The following DYRK4 variants were observed in gnomAD, a reference collection of about 807,000 sequenced individuals.
DYRK4 encodes dual specificity tyrosine-phosphorylation-regulated kinase 4.
A neutral mutation model predicts 68.3 loss-of-function variants in DYRK4; 64 were observed. The ratio of observed to expected loss-of-function variants is 0.94; its 90% confidence interval spans 0.77 to 1.15. The LOEUF (loss-of-function observed/expected upper bound fraction) is 1.15, where lower values mean the gene tolerates loss of function less well. DYRK4 is among the 50% of genes most tolerant of loss of function. The pLI, the probability that DYRK4 is intolerant of heterozygous loss-of-function variation, is 0.00. For synonymous variants in DYRK4, 274 were observed against 289.9 expected (o/e 0.95, Z 0.56); for missense variants, 740 against 764.7 (o/e 0.97, Z 0.38).
At position 4,584,624 on chromosome 12, in the gene DYRK4, T is replaced by C. The variant is rs552008704; in HGVS notation, c.133-4313T>C. 3.4e-5 allele frequency among the ~76,000 whole-genome samples: 5 copies of C among 148,774 alleles called. 1 individual carries two copies. The South Asian group carries it at 6.4e-4, about 19-fold the overall frequency. On this transcript the variant is annotated intron_variant, in intron 2 of 14. Transcript: ENST00000543431. ...AGGCTGGAGTACACTGGTGCGATCT[T>C]GGCTCACTGCAAGCTCTGCCTCCTG...
In DYRK4 at chr12:4,593,070, C is replaced by T. The variant is rs1216690317; in HGVS notation, c.532C>T (p.Leu178=). Residue 178 remains leucine, a synonymous_variant, in exon 6 of 15, where the codon CTG becomes TTG. Coordinates refer to ENST00000543431, the MANE Select transcript of DYRK4 (RefSeq NM_001394779.1). ...AAGTGAAATCCTGGGCTACGCGGAGCTGTGGTTCCTGGGTCTTGAAGCCAA... is the reference window on the plus strand; with the variant it reads ...AAGTGAAATCCTGGGCTACGCGGAGTTGTGGTTCCTGGGTCTTGAAGCCAA... The part of the protein sequence containing the change: ...EQSEILGYAE[L]WFLGLEAKKL... 1 of 1,614,066 alleles carries T rather than the reference C, an allele frequency of 6.2e-7. No homozygotes were observed. Among genetic ancestry groups the T allele is most frequent in the East Asian group, 2.2e-5 (1 of 44,888 alleles).
chr12:4,562,571 G>A (rs1944638303), intron 1 of DYRK4, among the ~76,000 whole-genome samples: 1 of 152,214 alleles, frequency 6.6e-6, no homozygotes, highest in African/African-American at 2.4e-5. Context: ...GGAGCGAGGG[G>A]TTCTGAGGAA....
In DYRK4 at chr12:4,581,114, C is replaced by T. The variant is rs1404027581; in HGVS notation, c.133-7823C>T. ...GTGAGAGGGCAGGACATAATACTCC[C>T]CTGTGGTCCTTGGGTAAACTGAGCT... On this transcript the variant is annotated intron_variant, in intron 2 of 14. Transcript: ENST00000543431. The T allele has an allele frequency of 3.2e-5, 8 of 249,058 alleles. No homozygotes were observed. The Admixed American group carries it at 3.8e-4, about 12-fold the overall frequency. The allele number at this position is 249,058 out of a possible 1,614,324, so 15.4% of individuals were successfully genotyped here.
At chr12:4,601,352 C>G (rs1303534811) in intron 10 of DYRK4, among the ~76,000 whole-genome samples, 1 of 152,116 alleles carries the variant, frequency 6.6e-6, no homozygotes, top group Admixed American at 6.6e-5. Context: ...TATAAATTCC[C>G]CTCTGAAGAA....
chr12:4,594,201 A>G (rs1267083101), intron 6 of DYRK4, among the ~76,000 whole-genome samples: 3 of 152,158 alleles, frequency 2.0e-5, no homozygotes, highest in Admixed American at 1.3e-4. Context: ...ATAGGGGGTT[A>G]GTGGATCTTT....
intron 1 of DYRK4, chr12:4,563,043 G>T (rs530142483): frequency 2.3e-4 from 105 of 456,026 alleles, no homozygotes; most frequent in Non-Finnish European, 4.3e-4. Flanking sequence ...ATTAATTCAA[G>T]CTTCACTGTC....
intron 10 of DYRK4, among the ~76,000 whole-genome samples, chr12:4,600,682 A>G: frequency 6.6e-6 from 1 of 151,692 alleles, no homozygotes; most frequent in East Asian, 1.9e-4. Context: ...AGAGATACAC[A>G]AGGCAAAGTA....
rs191957394 is a variant in DYRK4, at chr12:4,565,243, A to G, written c.39-2712A>G. On this transcript the variant is annotated intron_variant, in intron 1 of 14. Transcript: ENST00000543431. ...GGGTTAAGTTGTACTGTTGGAAGCC[A>G]GAGTTCATGCATAAAAAAAGAAAGG... is the stretch of plus-strand genomic sequence containing the variant. Among the ~76,000 whole-genome samples the G allele has an allele frequency of 1.3e-4, 20 of 152,378 alleles. No homozygotes were observed. The East Asian group carries it at 3.7e-3, about 28-fold the overall frequency.
intron 8 of DYRK4, 136 bp from the exon 9 acceptor site, chr12:4,598,892 T>C: frequency 1.0e-6 from 1 of 961,594 alleles, no homozygotes; most frequent in Non-Finnish European, 1.6e-6. Flanking sequence ...TATAAGGGCA[T>C]GAAAGCCTTG....
chr12:4,590,149 G>T (rs557730153), intron 3 of DYRK4, 181 bp from the exon 4 acceptor site: 178 of 1,361,428 alleles, frequency 1.3e-4, no homozygotes, highest in Non-Finnish European at 1.7e-4. Flanking sequence ...CCATGTGTTT[G>T]TTGACTCTGC....
intron 3 of DYRK4, 87 bp downstream of exon 3, chr12:4,589,104 C>A: frequency 8.3e-7 from 1 of 1,200,636 alleles, no homozygotes; most frequent in Non-Finnish European, 1.2e-6. Context: ...CAGTTTTGGC[C>A]AATTTATCAT....
intron 1 of DYRK4, among the ~76,000 whole-genome samples, chr12:4,565,627 C>CT (rs10717580): frequency 0.038 from 5,465 of 143,816 alleles, 310 homozygotes; most frequent in African/African-American, 0.13. Context: ...TTCACATTTA[C>CT]TTTTTTTTTT....
intron 2 of DYRK4, among the ~76,000 whole-genome samples, chr12:4,579,679 A>G (rs1035845460): frequency 6.6e-6 from 1 of 152,110 alleles, no homozygotes; most frequent in Non-Finnish European, 1.5e-5. Context: ...ATCTACTCAA[A>G]CCCTCCTACA....
intron 2 of DYRK4, among the ~76,000 whole-genome samples, chr12:4,570,835 G>A (rs529597569): frequency 4.6e-5 from 7 of 152,272 alleles, no homozygotes; most frequent in South Asian, 4.1e-4. Flanking sequence ...ATAGTGTGGC[G>A]CTCTCTCTAG....
chr12:4,580,702 T>TG, intron 2 of DYRK4: 1 of 398,790 alleles, frequency 2.5e-6, no homozygotes, highest in South Asian at 1.9e-5. Context: ...TTCTGGCCTC[T>TG]GGGAAGGGAT....
intron 11 of DYRK4, among the ~76,000 whole-genome samples, chr12:4,606,323 T>A (rs1945150723): frequency 6.6e-6 from 1 of 152,180 alleles, no homozygotes; most frequent in Non-Finnish European, 1.5e-5. Flanking sequence ...TCTATCTATC[T>A]ATGTATCTGT....
chr12:4,596,602 G>T lies in DYRK4; in HGVS notation c.778G>T (p.Ala260Ser), dbSNP rs1565539355. 3.1e-6 allele frequency: 5 copies of T among 1,613,992 alleles called. No homozygotes were observed. In the East Asian group the frequency reaches 1.1e-4, roughly 36 times the overall value. ...CAATCACCTTAGGTTTCACCAGCAGGCCCTGATGGAGCTGAAGATCCTGGA... is the reference window on the plus strand; with the variant it reads ...CAATCACCTTAGGTTTCACCAGCAGTCCCTGATGGAGCTGAAGATCCTGGA... ...IRNKKRFHQQ[A>S]LMELKILEAL... The change falls in exon 8 of 15, where the codon GCC (alanine) becomes TCC (serine). Residue 260 changes from alanine to serine, a missense_variant. Coordinates refer to ENST00000543431, the MANE Select transcript of DYRK4 (RefSeq NM_001394779.1).
chr12:4,590,120 AGGGACT>A, intron 3 of DYRK4: 6 of 1,319,462 alleles, frequency 4.5e-6, no homozygotes, highest in Non-Finnish European at 5.8e-6. Flanking sequence ...GTAGTAGAGC[AGGGACT>A]CAAACCCAGA....
At chr12:4,580,854 C>T (rs539303900) in intron 2 of DYRK4, 11 of 455,210 alleles carry the variant, frequency 2.4e-5, no homozygotes, top group African/African-American at 2.0e-4. Context: ...GCTGAGAAAA[C>T]AGGAAAATCG....
Sources: gnomAD v4.1 joint callset for allele counts (sites outside exome capture counted in the v4.1 genomes callset) on GRCh38, gnomAD v4.1.1 for gene constraint, MANE v1.5 for transcripts, NCBI Gene and HGNC (gene_info 2026-07-23, HGNC 2026-07-21) for gene names.